TAB2: variants seen among roughly 807,000 people sequenced by gnomAD.
The protein encoded by TAB2 is TGF-beta activated kinase 1 (MAP3K7) binding protein 2, also known as TGF-beta-activated kinase 1 and MAP3K7-binding protein 2.
A neutral mutation model predicts 65.0 loss-of-function variants in TAB2; 3 were observed. That is an observed-to-expected ratio of 0.05 (90% CI 0.02 to 0.12). The LOEUF (loss-of-function observed/expected upper bound fraction) is 0.12, where lower values mean the gene tolerates loss of function less well. Ranked by LOEUF, TAB2 falls within the 10% of genes least tolerant of loss-of-function variation. The pLI is 1.00. For missense variants in TAB2, 623 were observed against 840.3 expected, an observed-to-expected ratio of 0.74 and a Z score of 3.20; for synonymous variants, 298 against 285.1, an observed-to-expected ratio of 1.05 and a Z score of -0.46.
intron 1 of TAB2, among the ~76,000 whole-genome samples, chr6:149,235,617 G>A (rs907394382): frequency 6.6e-6 from 1 of 152,202 alleles, no homozygotes; most frequent in Non-Finnish European, 1.5e-5. Flanking sequence ...GAACCAGACT[G>A]GGGGTCCACA....
rs757341146 is a variant in TAB2 at position 149,398,020 on chromosome 6, A to G, written c.1816A>G (p.Ile606Val). 4 of 1,613,842 alleles carry G rather than the reference A, an allele frequency of 2.5e-6. No individual in the cohort carries two copies. Among genetic ancestry groups the G allele is most frequent in the East Asian group, 2.2e-5 (1 of 44,830 alleles). Residue 606 changes from isoleucine to valine, a missense_variant, in exon 5 of 7, where the codon ATT becomes GTT. Ile to Val is a conservative substitution (Grantham distance 29, BLOSUM62 3). Transcript: ENST00000637181. Reference protein sequence around the residue: ...RSCNRQLQIDIDCLTKEIDLF... With the variant: ...RSCNRQLQIDVDCLTKEIDLF... ...TTGTAATAGACAACTCCAGATTGAC[A>G]TTGACTGCTTAACCAAAGAAATTGA...
intron 1 of TAB2, among the ~76,000 whole-genome samples, chr6:149,253,617 CAAAAAAAAAAA>C (rs1170705031): frequency 2.3e-4 from 15 of 65,300 alleles, no homozygotes; most frequent in Admixed American, 4.5e-4. Context: ...AAGACTGTCT[CAAAAAAAAAAA>C]AAAAAAAAAA....
Position 149,254,103 on chromosome 6 carries a change from AAGGAAGGAAGGAC to A in TAB2, c.-121+35331_-121+35343del, listed in dbSNP as rs1562389706. The stretch of plus-strand genomic sequence containing the variant: ...GAAGGAAGGAAGGAAGGAAGGAAGG[AAGGAAGGAAGGAC>A]AGGGAAGGGAAGGGAAAGGAAAGGA... On this transcript the variant is annotated intron_variant, in intron 1 of 1. Transcript: ENST00000606202. Among the ~76,000 whole-genome samples, 43 of 123,426 alleles carry A rather than the reference AAGGAAGGAAGGAC, an allele frequency of 3.5e-4. 1 individual carries two copies. Among genetic ancestry groups the A allele is most frequent in the South Asian group, 1.9e-3 (7 of 3,606 alleles). 81.0% of individuals were successfully genotyped at this position (123,426 alleles called of 152,430 possible). A position where few individuals can be genotyped will look rare whatever the true frequency, so the allele number is the denominator to read the frequency against.
chr6:149,330,632 T>C (rs1779754531), intron 1 of TAB2, among the ~76,000 whole-genome samples: 2 of 152,208 alleles, frequency 1.3e-5, no homozygotes, highest in Non-Finnish European at 2.9e-5. Flanking sequence ...TGAATTGTTT[T>C]GTTTTCTTGT....
At chr6:149,276,041 A>G (rs533743334) in intron 1 of TAB2, among the ~76,000 whole-genome samples, 1 of 152,378 alleles carries the variant, frequency 6.6e-6, no homozygotes, top group South Asian at 2.1e-4. Flanking sequence ...ATAATAATGT[A>G]TTAATATTTG....
intron 1 of TAB2, among the ~76,000 whole-genome samples, chr6:149,224,563 T>TA (rs1448863755): frequency 6.6e-6 from 1 of 152,216 alleles, no homozygotes; most frequent in Non-Finnish European, 1.5e-5. Flanking sequence ...TGGCACCACT[T>TA]ACGGCGGTTC....
intron 3 of TAB2, among the ~76,000 whole-genome samples, chr6:149,387,484 A>G (rs1490565613): frequency 1.3e-5 from 2 of 152,166 alleles, no homozygotes; most frequent in Non-Finnish European, 2.9e-5. Context: ...CTTTATGCCA[A>G]TACCATATGG....
chr6:149,309,367 T>C (rs1779126944), intron 1 of TAB2, among the ~76,000 whole-genome samples: 1 of 152,090 alleles, frequency 6.6e-6, no homozygotes, highest in South Asian at 2.1e-4. Flanking sequence ...AAGTATGTCA[T>C]ACCAATGCCT....
chr6:149,328,776 A>G (rs528963486), intron 1 of TAB2, among the ~76,000 whole-genome samples: 6 of 152,310 alleles, frequency 3.9e-5, no homozygotes, highest in African/African-American at 1.4e-4. Context: ...TTAAACATAA[A>G]ATACTTTAGG....
upstream of TAB2, among the ~76,000 whole-genome samples, chr6:149,313,915 T>C (rs1212635564): frequency 3.9e-5 from 6 of 152,202 alleles, no homozygotes; most frequent in East Asian, 9.6e-4. Flanking sequence ...CTGGACATTA[T>C]GGCTTGGATG....
At chr6:149,377,070 A>AT (rs369685969) in intron 2 of TAB2, among the ~76,000 whole-genome samples, 2,390 of 89,906 alleles carry the variant, frequency 0.027, 23 homozygotes, top group Middle Eastern at 0.038. Context: ...AATGTAACTT[A>AT]TTTTTTTTTT....
chr6:149,335,720 T>A (rs1178013088), intron 1 of TAB2, among the ~76,000 whole-genome samples: 1 of 152,046 alleles, frequency 6.6e-6, no homozygotes, highest in South Asian at 2.1e-4. Context: ...TTGGCAGGGC[T>A]CTTTGAAGAA....
chr6:149,370,878 C>A (rs1200037021), intron 2 of TAB2, among the ~76,000 whole-genome samples: 1 of 151,570 alleles, frequency 6.6e-6, no homozygotes, highest in Middle Eastern at 3.2e-3. Flanking sequence ...GCAGCCTGGC[C>A]AACATGGCAA....
Position 149,276,953 on chromosome 6 carries a change from C to A in TAB2, c.-121+58177C>A, listed in dbSNP as rs1422302570. Among the ~76,000 whole-genome samples, 5 of 152,132 alleles carry A rather than the reference C, an allele frequency of 3.3e-5. No homozygotes were observed. In the East Asian group the frequency reaches 9.6e-4, roughly 29 times the overall value. On this transcript the variant is annotated intron_variant, in intron 1 of 1. Transcript: ENST00000606202. ...GATAATTGAATCATGGGGGTGGTTT[C>A]CCCCATACTGTTCTCTTCATAGTGA...
At chr6:149,228,792 G>A (rs964046979) in intron 1 of TAB2, among the ~76,000 whole-genome samples, 1 of 152,192 alleles carries the variant, frequency 6.6e-6, no homozygotes, top group African/African-American at 2.4e-5. Flanking sequence ...CAATCACATG[G>A]GCCTGTAAGA....
chr6:149,403,246 AAATATATATAT>A (rs1397244208), intron 6 of TAB2, among the ~76,000 whole-genome samples: 7 of 31,704 alleles, frequency 2.2e-4, no homozygotes, highest in African/African-American at 1.1e-3. Flanking sequence ...AAAAAAAAAA[AAATATATATAT>A]ATATATATAT....
intron 3 of TAB2, among the ~76,000 whole-genome samples, chr6:149,393,411 G>A (rs916956494): frequency 8.5e-5 from 13 of 152,152 alleles, no homozygotes; most frequent in African/African-American, 3.1e-4. Context: ...ACCCCTTTGT[G>A]AATTTCTAAG....
chr6:149,275,225 GGA>G lies in TAB2; in HGVS notation c.-121+56460_-121+56461del, dbSNP rs36042716. Among the ~76,000 whole-genome samples the G allele has an allele frequency of 8.0e-3, 780 of 97,352 alleles. 28 individuals are homozygous for G. The highest frequency in any genetic ancestry group is 0.033 in the African/African-American group (733 of 22,078). 63.9% of individuals were successfully genotyped at this position (97,352 alleles called of 152,430 possible). A position where few individuals can be genotyped will look rare whatever the true frequency, so the allele number is the denominator to read the frequency against. ...TGAACTCCCTTGGGCGGGGGAGGGG[GGA>G]GAGAGAGAGAAAGAAAGAAAGAAAG... On this transcript the variant is annotated intron_variant, in intron 1 of 1. Coordinates refer to the TAB2 transcript ENST00000606202.
chr6:149,328,847 G>C (rs1779696345), intron 1 of TAB2, among the ~76,000 whole-genome samples: 1 of 152,138 alleles, frequency 6.6e-6, no homozygotes, highest in Non-Finnish European at 1.5e-5. Context: ...TATTCAGTAA[G>C]GGATGAAAGG....
Sources: gnomAD v4.1 joint callset for allele counts (sites outside exome capture counted in the v4.1 genomes callset) on GRCh38, gnomAD v4.1.1 for gene constraint, MANE v1.5 for transcripts, NCBI Gene and HGNC (gene_info 2026-07-23, HGNC 2026-07-21) for gene names.